The following PJA2 variants were observed in gnomAD, a reference collection of about 807,000 sequenced individuals.
PJA2 encodes the protein E3 ubiquitin-protein ligase Praja-2.
A neutral mutation model predicts 69.3 loss-of-function variants in PJA2; 25 were observed. The observed-to-expected ratio is 0.36, with a 90% CI of 0.26 to 0.50. The LOEUF (loss-of-function observed/expected upper bound fraction) is 0.50. Ranked by LOEUF, PJA2 falls within the 20% of genes least tolerant of loss-of-function variation. The pLI is 0.96. For synonymous variants in PJA2, 308 were observed against 277.8 expected, an observed-to-expected ratio of 1.11 and a Z score of -1.08; for missense variants, 809 against 830.2, an observed-to-expected ratio of 0.97 and a Z score of 0.31.
At chr5:109,377,017 G>A (rs1746907489) in intron 4 of PJA2, among the ~76,000 whole-genome samples, 1 of 151,696 alleles carries the variant, frequency 6.6e-6, no homozygotes, top group African/African-American at 2.4e-5. Flanking sequence ...AAACACTGTG[G>A]GCTTGAACTG....
In PJA2 at chr5:109,353,544, T is replaced by C. The variant is rs536859572; in HGVS notation, c.1764+2371A>G. 5.3e-3 allele frequency among the ~76,000 whole-genome samples: 593 copies of C among 111,886 alleles called. 16 individuals carry two copies. The highest frequency in any genetic ancestry group is 0.011 in the African/African-American group (184 of 17,344). 73.4% of individuals were successfully genotyped at this position (111,886 alleles called of 152,430 possible). On this transcript the variant is annotated intron_variant, in intron 7 of 9. Transcript: ENST00000361189. ...TATTAGATATCTATAATATCATAGA[T>C]ATCTATATATTAGATATCTATAATA...
chr5:109,397,341 G>A (rs1747437260), intron 1 of PJA2, among the ~76,000 whole-genome samples: 1 of 152,132 alleles, frequency 6.6e-6, no homozygotes, highest in Non-Finnish European at 1.5e-5. Flanking sequence ...ACAGTAAACA[G>A]CTATAAAAAG....
At chr5:109,391,685 A>AT (rs1747285161) in intron 1 of PJA2, among the ~76,000 whole-genome samples, 1 of 152,152 alleles carries the variant, frequency 6.6e-6, no homozygotes, top group African/African-American at 2.4e-5. Context: ...AAATCTCATT[A>AT]TTCACAGATA....
chr5:109,353,820 T>A (rs1458839000), intron 7 of PJA2, among the ~76,000 whole-genome samples: 1 of 120,486 alleles, frequency 8.3e-6, no homozygotes, highest in Non-Finnish European at 1.8e-5. Flanking sequence ...AGATTAGATG[T>A]CTATGATATC....
Position 109,378,254 on chromosome 5 carries a change from A to G in PJA2, c.1233T>C (p.Phe411=), listed in dbSNP as rs1746939572. The G allele has an allele frequency of 6.2e-7, 1 of 1,613,922 alleles. No individual in the cohort carries two copies. The highest frequency in any genetic ancestry group is 8.5e-7 in the Non-Finnish European group (1 of 1,179,860). Residue 411 remains phenylalanine (F), a synonymous_variant, in exon 4 of 10, where the codon TTT becomes TTC. Coordinates refer to ENST00000361189, the MANE Select transcript of PJA2 (RefSeq NM_014819.5). ...TAGRQEVDNT[F]WNGCGDYYQL... ...GGTAATAATCTCCACAGCCATTCCA[A>G]AAGGTGTTATCCACCTCTTGCCTTC...
intron 9 of PJA2, among the ~76,000 whole-genome samples, chr5:109,343,682 T>C (rs1343858797): frequency 6.6e-6 from 1 of 152,214 alleles, no homozygotes; most frequent in Non-Finnish European, 1.5e-5. Flanking sequence ...TTTTAGACAA[T>C]GTTAGTAAAA....
chr5:109,395,508 C>A (rs1177624915), intron 1 of PJA2, among the ~76,000 whole-genome samples: 3 of 152,146 alleles, frequency 2.0e-5, no homozygotes, highest in African/African-American at 4.8e-5. Context: ...GCCTGGGTGA[C>A]AGAGTAAGGC....
At chr5:109,367,632 A>T (rs1762607426) in intron 5 of PJA2, among the ~76,000 whole-genome samples, 1 of 152,228 alleles carries the variant, frequency 6.6e-6, no homozygotes, top group Non-Finnish European at 1.5e-5. Flanking sequence ...CCAAACTGAT[A>T]TTGAAACAAA....
At chr5:109,343,273 CAAA>C (rs869033444) in intron 9 of PJA2, among the ~76,000 whole-genome samples, 1 of 19,398 alleles carries the variant, frequency 5.2e-5, no homozygotes, top group Non-Finnish European at 8.1e-5. Context: ...AAGGGCGGTG[CAAA>C]AAAAAAAAAA....
chr5:109,385,174 T>C (rs911546455), intron 1 of PJA2, among the ~76,000 whole-genome samples: 2 of 152,204 alleles, frequency 1.3e-5, no homozygotes, highest in Non-Finnish European at 2.9e-5. Context: ...AGAAGAGATA[T>C]TTGACTTCTG....
intron 4 of PJA2, among the ~76,000 whole-genome samples, chr5:109,373,288 G>A (rs886098273): frequency 2.0e-5 from 3 of 152,158 alleles, no homozygotes; most frequent in Non-Finnish European, 2.9e-5. Context: ...ACTCAAGGTT[G>A]AGAGACAGAG....
intron 1 of PJA2, chr5:109,409,205 GCTAA>G (rs3214575): frequency 0.059 from 9,039 of 152,276 alleles, 353 homozygotes; most frequent in Middle Eastern, 0.12. Flanking sequence ...GCCTGACATC[GCTAA>G]CTGAGAGCAG....
At chr5:109,340,655 CCTCCCCCTCCCCCTCCCT>C (rs1762032496) in intron 9 of PJA2, among the ~76,000 whole-genome samples, 1 of 4,316 alleles carries the variant, frequency 2.3e-4, no homozygotes, top group African/African-American at 9.1e-4. Flanking sequence ...TCCCCCTCCC[CCTCCCCCTCCCCCTCCCT>C]CTCCCCACGG....
At chr5:109,353,005 T>C (rs1762286353) in intron 7 of PJA2, among the ~76,000 whole-genome samples, 1 of 134,426 alleles carries the variant, frequency 7.4e-6, no homozygotes, top group South Asian at 2.3e-4. Flanking sequence ...ATCTATATAT[T>C]AGATACCTAT....
Position 109,381,733 on chromosome 5 carries a change from G to A in PJA2, c.32-30C>T, listed in dbSNP as rs1161859895. On this transcript the variant is annotated intron_variant, in intron 2 of 9. Transcript: ENST00000361189. The stretch of plus-strand genomic sequence containing the variant: ...AAAAAAAGTTAAAAAATTAAAACAG[G>A]AACAGCAATGAGCTTTATTCTTGCA... 2.5e-6 allele frequency: 4 copies of A among 1,594,470 alleles called. No individual in the cohort carries two copies. The African/African-American group carries it at 4.0e-5, about 16-fold the overall frequency.
chr5:109,342,945 G>A (rs1209265996), intron 9 of PJA2, among the ~76,000 whole-genome samples: 62 of 68,618 alleles, frequency 9.0e-4, no homozygotes, highest in Non-Finnish European at 1.1e-3. Flanking sequence ...GCCTCTGCCC[G>A]GCCACCCCTA....
At chr5:109,338,111 C>G (rs1175125451) in intron 9 of PJA2, among the ~76,000 whole-genome samples, 1 of 152,098 alleles carries the variant, frequency 6.6e-6, no homozygotes, top group African/African-American at 2.4e-5. Context: ...CCTTGCAAAT[C>G]TGGTCTTTTT....
At position 109,363,017 on chromosome 5, in the gene PJA2, T is replaced by A; in HGVS notation, c.1475A>T (p.Gln492Leu). Reference protein sequence around the residue: ...NQELSLQEGEQTSLEEGEIPW... With the variant: ...NQELSLQEGELTSLEEGEIPW... ...AATTTCTCCCTCTTCCAAGGATGTCTGTTCCCTAGTACAAACATTTTAAAG... is the reference window on the plus strand; with the variant it reads ...AATTTCTCCCTCTTCCAAGGATGTCAGTTCCCTAGTACAAACATTTTAAAG... Residue 492 changes from glutamine to leucine, a missense_variant, in exon 6 of 10, where the codon CAG becomes CTG. This residue lies in a region of PJA2 where 700 missense variants were observed against 639.5 expected (regional missense o/e 1.09). Transcript: ENST00000361189. 2 of 1,592,350 alleles carry A rather than the reference T, an allele frequency of 1.3e-6. No homozygotes were observed. The highest frequency in any genetic ancestry group is 1.7e-6 in the Non-Finnish European group (2 of 1,164,198).
intron 4 of PJA2, among the ~76,000 whole-genome samples, chr5:109,375,502 T>C (rs1465903333): frequency 1.3e-5 from 2 of 151,994 alleles, no homozygotes; most frequent in African/African-American, 4.8e-5. Flanking sequence ...AGAGAAACTC[T>C]GTCTCGAAAT....
Sources: gnomAD v4.1 joint callset for allele counts (sites outside exome capture counted in the v4.1 genomes callset) on GRCh38, gnomAD v4.1.1 for gene constraint, gnomAD v4.1.1 regional missense constraint, MANE v1.5 for transcripts, NCBI Gene and HGNC (gene_info 2026-07-23, HGNC 2026-07-21) for gene names.